RNF180: variants seen among roughly 807,000 people sequenced by gnomAD.
RNF180 encodes the protein ring finger protein 180, also known as E3 ubiquitin-protein ligase RNF180.
A neutral mutation model predicts 59.2 loss-of-function variants in RNF180; 38 were observed. The observed-to-expected ratio is 0.64, with a 90% confidence interval of 0.50 to 0.84. The LOEUF is 0.84. Ranked by LOEUF, RNF180 falls within the 40% of genes least tolerant of loss-of-function variation. The probability of loss-of-function intolerance (pLI) is 0.00; values close to 1 mark genes in which losing one functional copy is unlikely to be tolerated. For synonymous variants in RNF180, 262 were observed against 240.3 expected, an observed-to-expected ratio of 1.09 and a Z score of -0.84; for missense variants, 705 against 700.9, an observed-to-expected ratio of 1.01 and a Z score of -0.07.
At chr5:64,341,071 G>GA (rs1251878438) in intron 7 of RNF180, among the ~76,000 whole-genome samples, 2 of 152,090 alleles carry the variant, frequency 1.3e-5, no homozygotes, top group Non-Finnish European at 2.9e-5. Flanking sequence ...ATGTTGGTGG[G>GA]ATATGATGCC....
At chr5:64,220,634 T>C (rs1038142375) in intron 5 of RNF180, among the ~76,000 whole-genome samples, 1 of 152,106 alleles carries the variant, frequency 6.6e-6, no homozygotes, top group African/African-American at 2.4e-5. Flanking sequence ...TTGCATAGTA[T>C]TTCCTAATAT....
intron 7 of RNF180, among the ~76,000 whole-genome samples, chr5:64,348,863 T>G (rs2112577744): frequency 6.6e-6 from 1 of 152,254 alleles, no homozygotes; most frequent in East Asian, 1.9e-4. Flanking sequence ...AAGGAATTTT[T>G]ACTTGTAGAT....
intron 5 of RNF180, among the ~76,000 whole-genome samples, chr5:64,286,823 A>G (rs1485082375): frequency 1.3e-5 from 2 of 152,210 alleles, no homozygotes; most frequent in African/African-American, 2.4e-5. Flanking sequence ...GAGTGGTGGC[A>G]AGGAAAGTTA....
At chr5:64,254,512 A>G (rs570445067) in intron 5 of RNF180, among the ~76,000 whole-genome samples, 151 of 152,300 alleles carry the variant, frequency 9.9e-4, no homozygotes, top group African/African-American at 3.4e-3. Flanking sequence ...TATTATGTTT[A>G]AAAATTTAGG....
intron 7 of RNF180, among the ~76,000 whole-genome samples, chr5:64,348,803 CTATT>C (rs1047456708): frequency 3.3e-5 from 5 of 151,968 alleles, no homozygotes; most frequent in African/African-American, 7.2e-5. Flanking sequence ...CTCTAAATGA[CTATT>C]TATAAAACTG....
intron 7 of RNF180, among the ~76,000 whole-genome samples, chr5:64,359,837 T>A (rs1746178820): frequency 6.6e-6 from 1 of 152,082 alleles, no homozygotes; most frequent in Admixed American, 6.6e-5. Context: ...GGGATCCAGT[T>A]TCAGCTTTCT....
Position 64,315,482 on chromosome 5 carries a change from C to T in RNF180, c.1228-9704C>T, listed in dbSNP as rs111553511. Among the ~76,000 whole-genome samples the T allele has an allele frequency of 4.9e-3, 747 of 152,200 alleles. 10 individuals carry two copies. The highest frequency in any genetic ancestry group is 0.017 in the African/African-American group (700 of 41,530). On this transcript the variant is annotated intron_variant, in intron 5 of 7. Transcript: ENST00000389100. The stretch of plus-strand genomic sequence containing the variant: ...TTTACTCGGCCAGCATGGTGGCTCA[C>T]GCCTGTAATCTCAGCACTTTGAGAG...
intron 7 of RNF180, among the ~76,000 whole-genome samples, chr5:64,352,289 CTCTTT>C (rs1283351075): frequency 2.0e-5 from 3 of 151,582 alleles, no homozygotes; most frequent in Non-Finnish European, 4.4e-5. Context: ...TGATTCTTCT[CTCTTT>C]TCTTCTTTAT....
intron 7 of RNF180, among the ~76,000 whole-genome samples, chr5:64,333,334 T>C (rs1301627320): frequency 4.6e-5 from 7 of 152,258 alleles, no homozygotes; most frequent in Admixed American, 2.0e-4. Context: ...CGTGCTACCA[T>C]GCCAAGCTTT....
intron 5 of RNF180, among the ~76,000 whole-genome samples, chr5:64,265,584 A>G (rs888644495): frequency 2.0e-5 from 3 of 152,074 alleles, no homozygotes; most frequent in Admixed American, 6.6e-5. Flanking sequence ...TCATTGGTCT[A>G]TATTTCTATT....
chr5:64,230,247 C>G (rs1742021067), intron 5 of RNF180, among the ~76,000 whole-genome samples: 2 of 152,240 alleles, frequency 1.3e-5, no homozygotes. Context: ...GCTATTGCCA[C>G]TGTCACAAAT....
intron 5 of RNF180, among the ~76,000 whole-genome samples, chr5:64,324,046 C>T (rs979784280): frequency 6.6e-6 from 1 of 152,300 alleles, no homozygotes; most frequent in Admixed American, 6.5e-5. Context: ...GGCGAAATAA[C>T]ACCACCAATT....
At chr5:64,360,523 C>T (rs1314524050) in intron 7 of RNF180, among the ~76,000 whole-genome samples, 3 of 151,736 alleles carry the variant, frequency 2.0e-5, no homozygotes. Context: ...TCTCTCACCA[C>T]TCCTATTCAA....
chr5:64,244,670 A>C (rs769798591), intron 5 of RNF180, among the ~76,000 whole-genome samples: 1 of 152,194 alleles, frequency 6.6e-6, no homozygotes, highest in Non-Finnish European at 1.5e-5. Flanking sequence ...ACTCTTCAAG[A>C]TATTATCCAG....
At chr5:64,254,465 G>A (rs568693525) in intron 5 of RNF180, among the ~76,000 whole-genome samples, 2 of 152,190 alleles carry the variant, frequency 1.3e-5, no homozygotes, top group Non-Finnish European at 2.9e-5. Context: ...GGGAGATCAG[G>A]AAATCTCTGG....
chr5:64,176,640 T>C (rs2111910746), intron 1 of RNF180, among the ~76,000 whole-genome samples: 1 of 152,284 alleles, frequency 6.6e-6, no homozygotes, highest in African/African-American at 2.4e-5. Flanking sequence ...AATTTTTCCA[T>C]AGCAAGCAGA....
At chr5:64,221,388 C>T (rs1159582783) in intron 5 of RNF180, among the ~76,000 whole-genome samples, 1 of 152,030 alleles carries the variant, frequency 6.6e-6, no homozygotes, top group African/African-American at 2.4e-5. Context: ...ATTAAAAGAG[C>T]ATCATGACCT....
At position 64,213,630 on chromosome 5, in the gene RNF180, A is replaced by C; in HGVS notation, c.304A>C (p.Thr102Pro). 6.2e-7 allele frequency: 1 copy of C among 1,614,082 alleles called. No individual in the cohort carries two copies. Among genetic ancestry groups the C allele is most frequent in the South Asian group, 1.1e-5 (1 of 91,070 alleles). Residue 102 changes from threonine to proline, a missense_variant, in exon 4 of 8, where the codon ACT becomes CCT. Transcript: ENST00000389100. Reference sequence around the variant, plus strand: ...TTTAGGGGGCTTTAATTTTGTCAGCACTCCAAAATGTTCCTGTGGCCAGCT... The same window carrying C: ...TTTAGGGGGCTTTAATTTTGTCAGCCCTCCAAAATGTTCCTGTGGCCAGCT... ...ARLGGFNFVS[T>P]PKCSCGQLAA...
At chr5:64,348,083 G>C (rs946136679) in intron 7 of RNF180, among the ~76,000 whole-genome samples, 3 of 151,974 alleles carry the variant, frequency 2.0e-5, no homozygotes, top group African/African-American at 7.2e-5. Context: ...CTGAAATATT[G>C]TATAGGTAGC....
Sources: gnomAD v4.1 joint callset for allele counts (sites outside exome capture counted in the v4.1 genomes callset) on GRCh38, gnomAD v4.1.1 for gene constraint, MANE v1.5 for transcripts, NCBI Gene and HGNC (gene_info 2026-07-23, HGNC 2026-07-21) for gene names.